Variants in GRIN1 observed in about 807,000 individuals in gnomAD.
The protein encoded by GRIN1 is glutamate ionotropic receptor NMDA type subunit 1.
In GRIN1, 38 loss-of-function variants were observed where a neutral mutation model predicts 103.0. That is an observed-to-expected ratio of 0.37 (90% CI 0.28 to 0.48). The LOEUF is 0.48. Among genes scored for constraint, GRIN1 ranks in the 20% least tolerant of loss-of-function variants. The pLI, the probability that GRIN1 is intolerant of heterozygous loss-of-function variation, is 0.98. For synonymous variants in GRIN1, 544 were observed against 532.7 expected (o/e 1.02, Z -0.29); for missense variants, 577 against 1,288.9 (o/e 0.45, Z 8.46).
rs79901440 is a variant in GRIN1, at chr9:137,146,368, C to T, written c.570+466C>T. 9.0e-3 allele frequency among the ~76,000 whole-genome samples: 1,376 copies of T among 152,192 alleles called. 22 individuals carry two copies. Among genetic ancestry groups the T allele is most frequent in the East Asian group, 0.049 (252 of 5,168 alleles). ...GCTGGGCCCATTCCCTGTCCTCCCC[C>T]GCGTGGCCTCCCCTGAAGCTCTGCA... On this transcript the variant is annotated intron_variant, in intron 3 of 19. Transcript: ENST00000371561. The surrounding 1 kb of genome is among the most constrained non-coding windows in gnomAD (Gnocchi z 6.7).
At chr9:137,158,821 TG>T (rs910918103) in intron 8 of GRIN1, 117 bp downstream of exon 8, 1 of 774,702 alleles carries the variant, frequency 1.3e-6, no homozygotes, top group Non-Finnish European at 2.3e-6. Context: ...GAAGTGGGGG[TG>T]GGGCCTGCTT....
chr9:137,168,016 T>C lies in GRIN1; in HGVS notation c.*489T>C. On this transcript the variant is annotated 3_prime_UTR_variant, in exon 20 of 20. Coordinates refer to ENST00000371561, the MANE Select transcript of GRIN1 (RefSeq NM_007327.4). ...GCGGGCAGCCCCTGCTGGACCAAGG[T>C]GCGGACCGGAGCGGCTGAGGACGGG... is the stretch of plus-strand genomic sequence containing the variant. 1.5e-6 allele frequency: 1 copy of C among 684,410 alleles called. No individual in the cohort carries two copies. The allele number at this position is 684,410 out of a possible 1,614,324, so 42.4% of individuals were successfully genotyped here. A position where few individuals can be genotyped will look rare whatever the true frequency, so the allele number is the denominator to read the frequency against.
chr9:137,163,116 G>C, intron 15 of GRIN1, 53 bp from the exon 16 acceptor site: 1 of 1,602,574 alleles, frequency 6.2e-7, no homozygotes, highest in Non-Finnish European at 8.5e-7. Flanking sequence ...CGCGGGCGTG[G>C]GGCTTCCAGG....
intron 5 of GRIN1, 26 bp downstream of exon 5, chr9:137,156,816 C>T (rs201885121): frequency 6.2e-6 from 10 of 1,601,922 alleles, no homozygotes; most frequent in East Asian, 2.3e-5. Flanking sequence ...TGGCGGGGTC[C>T]CCGAACGGGG....
intron 2 of GRIN1, among the ~76,000 whole-genome samples, chr9:137,143,379 G>C (rs568237851): frequency 6.6e-6 from 1 of 152,346 alleles, no homozygotes; most frequent in South Asian, 2.1e-4. Context: ...GCTCCTCCCA[G>C]GTGACTTCAC....
chr9:137,165,110 G>A (rs947326577), intron 18 of GRIN1, 76 bp from the exon 19 acceptor site: 4 of 1,043,696 alleles, frequency 3.8e-6, no homozygotes, highest in Non-Finnish European at 6.0e-6. Context: ...GCTGGGCAGC[G>A]GCCCATGCAG....
chr9:137,153,524 A>G (rs558837649), intron 4 of GRIN1, among the ~76,000 whole-genome samples: 2 of 151,962 alleles, frequency 1.3e-5, no homozygotes, highest in Non-Finnish European at 2.9e-5. Context: ...CACACATGCC[A>G]TATACCACAT....
rs1258570451 is a variant in GRIN1, at chr9:137,163,772, G to A, written c.2457G>A (p.Leu819=). The change falls in exon 18 of 20, where the codon CTG becomes CTA. Residue 819 remains leucine, a synonymous_variant. Coordinates refer to ENST00000371561, the MANE Select transcript of GRIN1 (RefSeq NM_007327.4). ...TFENMAGVFM[L]VAGGIVAGIF... is the part of the protein sequence containing the mutation. ...CCCGGCACACAGGGGTCTTCATGCT[G>A]GTAGCTGGGGGCATCGTGGCCGGGA... The A allele has an allele frequency of 6.2e-7, 1 of 1,613,756 alleles. No individual in the cohort carries two copies. Among genetic ancestry groups the A allele is most frequent in the Non-Finnish European group, 8.5e-7 (1 of 1,179,986 alleles).
intron 18 of GRIN1, chr9:137,164,956 G>A (rs918691732): frequency 9.3e-6 from 5 of 538,426 alleles, no homozygotes; most frequent in Non-Finnish European, 1.7e-5. Flanking sequence ...AGCCAGCCGA[G>A]AGCCCCCAAG....
chr9:137,164,647 T>C (rs1833768061), intron 18 of GRIN1: 1 of 178,936 alleles, frequency 5.6e-6, no homozygotes, highest in East Asian at 1.5e-4. Context: ...CCCCCACAGG[T>C]CCCCTGGGGA....
At chr9:137,147,006 C>T (rs1257791247) in intron 3 of GRIN1, among the ~76,000 whole-genome samples, 2 of 146,594 alleles carry the variant, frequency 1.4e-5, no homozygotes, top group Admixed American at 6.7e-5. Flanking sequence ...CCCCAGTGCC[C>T]GACAGGCCCC....
intron 8 of GRIN1, 132 bp from the exon 9 acceptor site, chr9:137,160,924 G>T: frequency 1.7e-6 from 2 of 1,168,826 alleles, no homozygotes; most frequent in Admixed American, 2.0e-5. Context: ...GGCCGGCGGC[G>T]CAGGGCGGGG....
At chr9:137,143,436 C>T (rs777241688) in intron 2 of GRIN1, among the ~76,000 whole-genome samples, 76 of 152,362 alleles carry the variant, frequency 5.0e-4, no homozygotes, top group Non-Finnish European at 9.0e-4. Flanking sequence ...CCCTCAGGCA[C>T]GACCTCCTTC....
At chr9:137,144,090 C>A (rs180951295) in intron 2 of GRIN1, among the ~76,000 whole-genome samples, 3 of 152,174 alleles carry the variant, frequency 2.0e-5, no homozygotes, top group African/African-American at 7.2e-5. Context: ...GGGGGATCTT[C>A]GAGGCGCTAT....
chr9:137,161,211 G>A lies in GRIN1; in HGVS notation c.1339+14G>A, dbSNP rs767898750. 10 of 1,605,718 alleles carry A rather than the reference G, an allele frequency of 6.2e-6. No homozygotes were observed. The East Asian group carries it at 1.6e-4, about 25-fold the overall frequency. On this transcript the variant is annotated intron_variant, in intron 9 of 19. Transcript: ENST00000371561. ...CGCCGGGCAGCCGTGAGTGCGCGGG[G>A]CAGGGCGCGGGGCGCGGGGCAGGGC...
At chr9:137,153,772 T>C (rs1439611483) in intron 4 of GRIN1, among the ~76,000 whole-genome samples, 3 of 152,146 alleles carry the variant, frequency 2.0e-5, no homozygotes, top group Non-Finnish European at 4.4e-5. Flanking sequence ...ATGCATACAC[T>C]GACCACAGCA....
chr9:137,162,714 G>A lies in GRIN1; in HGVS notation c.1988G>A (p.Arg663His). ...AFLVLDRPEE[R>H]ITGINDPRLR... ...CTGGTGCTGGACCGGCCGGAGGAGCGCATCACGGGCATCAACGACCCTCGG... is the reference window on the plus strand; with the variant it reads ...CTGGTGCTGGACCGGCCGGAGGAGCACATCACGGGCATCAACGACCCTCGG... Residue 663 changes from arginine to histidine, a missense_variant, in exon 14 of 20, where the codon CGC becomes CAC. Transcript: ENST00000371561. 1 of 1,605,118 alleles carries A rather than the reference G, an allele frequency of 6.2e-7. No homozygotes were observed. The highest frequency in any genetic ancestry group is 8.5e-7 in the Non-Finnish European group (1 of 1,176,502).
intron 4 of GRIN1, among the ~76,000 whole-genome samples, chr9:137,150,456 C>T (rs1051011705): frequency 6.7e-6 from 1 of 149,494 alleles, no homozygotes; most frequent in African/African-American, 2.5e-5. Context: ...AAAGCCCGCC[C>T]AGGGAAAGCC....
chr9:137,148,291 T>C lies in GRIN1; in HGVS notation c.571-718T>C, dbSNP rs1301227022. On this transcript the variant is annotated intron_variant, in intron 3 of 19. Transcript: ENST00000371561. ...GGCGCCTCGGCCACTAGGGCCACTG[T>C]CTGGCCCAGCCGCCGAGCCGCAGGC... 4 of 952,932 alleles carry C rather than the reference T, an allele frequency of 4.2e-6. No individual in the cohort carries two copies. The African/African-American group carries it at 6.6e-5, about 16-fold the overall frequency. The allele number at this position is 952,932 out of a possible 1,614,324, so 59.0% of individuals were successfully genotyped here.
Sources: allele counts gnomAD v4.1 joint callset (sites outside exome capture counted in the v4.1 genomes callset), GRCh38; gene constraint gnomAD v4.1.1; non-coding constraint Gnocchi (gnomAD v3.1); transcripts MANE v1.5; gene names NCBI Gene and HGNC (gene_info 2026-07-23, HGNC 2026-07-21).